Variants in KDM7A observed in about 807,000 individuals in gnomAD.
KDM7A encodes the protein lysine-specific demethylase 7A.
In KDM7A, 28 loss-of-function variants were observed where a neutral mutation model predicts 114.8. That is an observed-to-expected ratio of 0.24 (90% confidence interval 0.18 to 0.33). KDM7A has a LOEUF of 0.33. KDM7A is among the 10% of genes least tolerant of loss of function. KDM7A has a pLI of 1.00. For synonymous variants in KDM7A, 423 were observed against 397.8 expected, an observed-to-expected ratio of 1.06 and a Z score of -0.75; for missense variants, 942 against 1,142.5, an observed-to-expected ratio of 0.82 and a Z score of 2.53.
intron 1 of KDM7A, among the ~76,000 whole-genome samples, chr7:140,148,219 A>AG (rs1794360761): frequency 6.7e-6 from 1 of 149,030 alleles, no homozygotes; most frequent in Non-Finnish European, 1.5e-5. Flanking sequence ...CTATGCTTCA[A>AG]GAAAAAAAAA....
chr7:140,131,159 G>A (rs190665455), intron 3 of KDM7A, among the ~76,000 whole-genome samples: 70 of 152,136 alleles, frequency 4.6e-4, no homozygotes, highest in Non-Finnish European at 8.4e-4. Context: ...GAGCCACCGC[G>A]CCAGGCCTAG....
At chr7:140,092,779 T>C (rs993645216) in intron 18 of KDM7A, among the ~76,000 whole-genome samples, 27 of 152,194 alleles carry the variant, frequency 1.8e-4, no homozygotes, top group African/African-American at 6.3e-4. Flanking sequence ...TCATTTATTT[T>C]CAAAAACAAT....
At chr7:140,114,442 T>C (rs999561218) in intron 9 of KDM7A, among the ~76,000 whole-genome samples, 7 of 152,170 alleles carry the variant, frequency 4.6e-5, no homozygotes, top group African/African-American at 1.7e-4. Context: ...GGTGCCGGGA[T>C]TGCAGACGGA....
chr7:140,108,683 T>C (rs1010239776), intron 11 of KDM7A, among the ~76,000 whole-genome samples: 10 of 152,202 alleles, frequency 6.6e-5, no homozygotes, highest in Admixed American at 6.5e-4. Flanking sequence ...CGGCCCTTAC[T>C]GGGAGGTGTC....
chr7:140,113,714 G>T, intron 9 of KDM7A, 132 bp from the exon 10 acceptor site: 1 of 469,346 alleles, frequency 2.1e-6, no homozygotes, highest in Non-Finnish European at 3.8e-6. Context: ...AATATAAAAA[G>T]TGAAATATGA....
intron 9 of KDM7A, among the ~76,000 whole-genome samples, chr7:140,115,140 C>T (rs909010904): frequency 2.0e-4 from 31 of 151,374 alleles, no homozygotes; most frequent in African/African-American, 7.0e-4. Flanking sequence ...GGGCCAGCCC[C>T]CGGCCAGCCA....
chr7:140,134,283 GA>G (rs1029964104), intron 2 of KDM7A, among the ~76,000 whole-genome samples: 4 of 152,146 alleles, frequency 2.6e-5, no homozygotes, highest in African/African-American at 9.7e-5. Context: ...CACAGCAATC[GA>G]AATCAGAAGA....
chr7:140,094,357 T>C (rs1818070168), intron 17 of KDM7A, among the ~76,000 whole-genome samples: 1 of 151,874 alleles, frequency 6.6e-6, no homozygotes, highest in Admixed American at 6.6e-5. Context: ...ATACAAAAAT[T>C]AGTTGGGTAT....
chr7:140,096,849 T>C (rs748976077), intron 16 of KDM7A, 50 bp downstream of exon 16: 10 of 1,592,514 alleles, frequency 6.3e-6, no homozygotes, highest in East Asian at 4.5e-5. Context: ...AAAGTGTTCA[T>C]AGTATTTACC....
At chr7:140,169,800 C>T (rs1371808082) in intron 1 of KDM7A, among the ~76,000 whole-genome samples, 1 of 152,130 alleles carries the variant, frequency 6.6e-6, no homozygotes, top group African/African-American at 2.4e-5. Flanking sequence ...CTGGGATTAG[C>T]GTGAGCCACT....
chr7:140,105,273 C>T (rs551031458), intron 11 of KDM7A, among the ~76,000 whole-genome samples: 1 of 152,120 alleles, frequency 6.6e-6, no homozygotes, highest in Admixed American at 6.5e-5. Flanking sequence ...AACGGAATAC[C>T]CTTTATTTCT....
Position 140,100,673 on chromosome 7 carries a change from T to C in KDM7A, c.1639-650A>G, listed in dbSNP as rs1157901680. ...TATTTTAAAAAGTTATATATATATATATATATACATATATACATATATATA... is the reference window on the plus strand; with the variant it reads ...TATTTTAAAAAGTTATATATATATACATATATACATATATACATATATATA... On this transcript the variant is annotated intron_variant, in intron 12 of 19. Coordinates refer to ENST00000397560, the MANE Select transcript of KDM7A (RefSeq NM_030647.2). Among the ~76,000 whole-genome samples the C allele has an allele frequency of 2.4e-3, 95 of 39,536 alleles. 2 individuals carry two copies. Among genetic ancestry groups the C allele is most frequent in the Non-Finnish European group, 1.3e-3 (26 of 20,662 alleles). 25.9% of individuals were successfully genotyped at this position (39,536 alleles called of 152,430 possible). A position where few individuals can be genotyped will look rare whatever the true frequency, so the allele number is the denominator to read the frequency against.
chr7:140,098,905 T>C lies in KDM7A; in HGVS notation c.1892A>G (p.His631Arg). 1.2e-6 allele frequency: 2 copies of C among 1,612,904 alleles called. No homozygotes were observed. The highest frequency in any genetic ancestry group is 1.7e-6 in the Non-Finnish European group (2 of 1,179,582). ...ATTCAGTGGTTTTTGAGATTCTTCATGTTCCACTCCCTCTACTCCTGAACT... is the reference window on the plus strand; with the variant it reads ...ATTCAGTGGTTTTTGAGATTCTTCACGTTCCACTCCCTCTACTCCTGAACT... The part of the protein sequence containing the change: ...EESSGVEGVE[H>R]EESQKPLNGF... Residue 631 changes from histidine (H) to arginine (R), a missense_variant, in exon 14 of 20, where the codon CAT (histidine) becomes CGT (arginine). Transcript: ENST00000397560.
At chr7:140,125,472 ATTAT>A (rs1818684340) in intron 6 of KDM7A, among the ~76,000 whole-genome samples, 1 of 152,256 alleles carries the variant, frequency 6.6e-6, no homozygotes, top group Non-Finnish European at 1.5e-5. Flanking sequence ...TTCCATTTTA[ATTAT>A]TTAAATTTAG....
At chr7:140,163,617 C>T (rs2116852213) in intron 1 of KDM7A, among the ~76,000 whole-genome samples, 1 of 152,078 alleles carries the variant, frequency 6.6e-6, no homozygotes, top group East Asian at 1.9e-4. Context: ...TTCTATTTTT[C>T]TGTTTGTTTT....
At position 140,092,299 on chromosome 7, in the gene KDM7A, G is replaced by A. The variant is rs549272305; in HGVS notation, c.2458-222C>T. Reference sequence around the variant, plus strand: ...GCATCGTTAAGTTAAGAAGGCGAAAGAGAGAGTGAGAGAAAACAACGTAAA... The same window carrying A: ...GCATCGTTAAGTTAAGAAGGCGAAAAAGAGAGTGAGAGAAAACAACGTAAA... On this transcript the variant is annotated intron_variant, in intron 18 of 19. Transcript: ENST00000397560. 5.3e-5 allele frequency among the ~76,000 whole-genome samples: 8 copies of A among 152,104 alleles called. No homozygotes were observed. The South Asian group carries it at 1.4e-3, about 28-fold the overall frequency.
intron 12 of KDM7A, among the ~76,000 whole-genome samples, chr7:140,101,450 T>C (rs1818223692): frequency 6.6e-6 from 1 of 152,214 alleles, no homozygotes; most frequent in African/African-American, 2.4e-5. Context: ...TCCTATTTGT[T>C]ACTCAGCTGT....
chr7:140,154,499 TAAA>T (rs397974321), intron 1 of KDM7A, among the ~76,000 whole-genome samples: 3 of 74,304 alleles, frequency 4.0e-5, no homozygotes, highest in Admixed American at 1.5e-4. Context: ...CTCTTAAAAT[TAAA>T]AAAAAAAAAA....
rs1469927638 is a variant in KDM7A at position 140,089,431 on chromosome 7, T to C, written c.*1663A>G. ...GATGATGGTACAGACTTTTTTCTTC[T>C]TAGCAATTCAAGTGATACTTAATAG... On this transcript the variant is annotated 3_prime_UTR_variant, in exon 20 of 20. Transcript: ENST00000397560. The C allele has an allele frequency of 1.3e-5, 2 of 152,216 alleles. No individual in the cohort carries two copies. The highest frequency in any genetic ancestry group is 4.8e-5 in the African/African-American group (2 of 41,452). The allele number at this position is 152,216 out of a possible 1,614,324, so 9.4% of individuals were successfully genotyped here.
Sources: gnomAD v4.1 joint callset for allele counts (sites outside exome capture counted in the v4.1 genomes callset) on GRCh38, gnomAD v4.1.1 for gene constraint, MANE v1.5 for transcripts, NCBI Gene and HGNC (gene_info 2026-07-23, HGNC 2026-07-21) for gene names.